The following GRM7 variants were observed in gnomAD, a reference collection of about 807,000 sequenced individuals.
The protein encoded by GRM7 is glutamate metabotropic receptor 7.
In GRM7, 35 loss-of-function variants were observed where a neutral mutation model predicts 84.5. That is an observed-to-expected ratio of 0.41 (90% CI 0.32 to 0.55). The LOEUF (loss-of-function observed/expected upper bound fraction) is 0.55. Ranked by LOEUF, GRM7 falls within the 20% of genes least tolerant of loss-of-function variation. The probability of loss-of-function intolerance (pLI) is 0.19; values close to 1 mark genes in which losing one functional copy is unlikely to be tolerated. For synonymous variants in GRM7, 487 were observed against 455.1 expected (o/e 1.07, Z -0.89); for missense variants, 1,003 against 1,194.6 (o/e 0.84, Z 2.36).
chr3:7,228,691 TG>T (rs1470338839), intron 2 of GRM7, among the ~76,000 whole-genome samples: 1 of 152,234 alleles, frequency 6.6e-6, no homozygotes, highest in African/African-American at 2.4e-5. Context: ...CTATGAGATT[TG>T]GTAGAGATTT....
chr3:7,595,372 G>T (rs751064918), intron 8 of GRM7, among the ~76,000 whole-genome samples: 6 of 152,072 alleles, frequency 3.9e-5, no homozygotes, highest in Non-Finnish European at 8.8e-5. Flanking sequence ...AAACATAATT[G>T]GTTAAACTCC....
At chr3:7,470,734 C>A (rs533720740) in intron 7 of GRM7, among the ~76,000 whole-genome samples, 2 of 152,134 alleles carry the variant, frequency 1.3e-5, no homozygotes, top group African/African-American at 4.8e-5. Context: ...AAAAGAAATA[C>A]AACAAGATAA....
chr3:7,424,512 G>GC (rs1696524761), intron 5 of GRM7, among the ~76,000 whole-genome samples: 1 of 152,092 alleles, frequency 6.6e-6, no homozygotes, highest in South Asian at 2.1e-4. Context: ...GGTAAGTAAT[G>GC]CCCTGTTTTT....
intron 4 of GRM7, among the ~76,000 whole-genome samples, chr3:7,364,344 C>T (rs540370230): frequency 6.6e-5 from 10 of 151,646 alleles, no homozygotes; most frequent in African/African-American, 2.4e-4. Flanking sequence ...TGGTTTGAGG[C>T]ATTTATAAAT....
intron 1 of GRM7, among the ~76,000 whole-genome samples, chr3:7,044,362 T>A (rs896570338): frequency 1.3e-5 from 2 of 152,208 alleles, no homozygotes; most frequent in African/African-American, 2.4e-5. Context: ...AAATATGGAT[T>A]GAAGGAAAAT....
At chr3:7,223,157 GCATCAGCATT>G (rs1303323443) in intron 2 of GRM7, among the ~76,000 whole-genome samples, 1 of 151,818 alleles carries the variant, frequency 6.6e-6, no homozygotes, top group Non-Finnish European at 1.5e-5. Context: ...TAAGATCTTT[GCATCAGCATT>G]CAGAAAATTT....
chr3:7,060,634 G>A (rs1177162624), intron 1 of GRM7, among the ~76,000 whole-genome samples: 1 of 151,674 alleles, frequency 6.6e-6, no homozygotes, highest in Admixed American at 6.6e-5. Context: ...AGCCACTCAA[G>A]TTTGGTCATT....
At chr3:7,560,117 A>G (rs893397528) in intron 7 of GRM7, among the ~76,000 whole-genome samples, 5 of 152,072 alleles carry the variant, frequency 3.3e-5, no homozygotes, top group Non-Finnish European at 7.4e-5. Context: ...ACCCTTAATT[A>G]CAGAGTTTCA....
chr3:7,480,351 T>C (rs1316150563), intron 7 of GRM7, among the ~76,000 whole-genome samples: 1 of 152,104 alleles, frequency 6.6e-6, no homozygotes, highest in African/African-American at 2.4e-5. Context: ...GGGAGTGATA[T>C]ATAGAAAAAG....
At chr3:7,504,908 A>AT (rs1268727868) in intron 7 of GRM7, among the ~76,000 whole-genome samples, 2 of 152,182 alleles carry the variant, frequency 1.3e-5, no homozygotes. Flanking sequence ...ATCAACTCAA[A>AT]GTCCAAAGTC....
At chr3:6,915,768 A>C (rs1575009699) in intron 1 of GRM7, among the ~76,000 whole-genome samples, 1 of 152,328 alleles carries the variant, frequency 6.6e-6, no homozygotes, top group East Asian at 1.9e-4. Flanking sequence ...ATCACAACTA[A>C]TGGGCTTGAT....
At chr3:7,028,477 TC>T (rs1696059556) in intron 1 of GRM7, among the ~76,000 whole-genome samples, 1 of 152,266 alleles carries the variant, frequency 6.6e-6, no homozygotes, top group Admixed American at 6.5e-5. Context: ...TAACCTTGGC[TC>T]AAAAACAGGA....
intron 5 of GRM7, among the ~76,000 whole-genome samples, chr3:7,420,596 T>C (rs1156389363): frequency 6.6e-6 from 1 of 152,148 alleles, no homozygotes; most frequent in Non-Finnish European, 1.5e-5. Context: ...AATTTTTGGT[T>C]CTCTGACTCA....
At chr3:7,466,162 T>C (rs1246549919) in intron 7 of GRM7, among the ~76,000 whole-genome samples, 1 of 152,138 alleles carries the variant, frequency 6.6e-6, no homozygotes, top group African/African-American at 2.4e-5. Flanking sequence ...ACAAACATGA[T>C]TGTCTATGTG....
At chr3:7,263,385 G>A (rs1050320903) in intron 2 of GRM7, among the ~76,000 whole-genome samples, 7 of 152,346 alleles carry the variant, frequency 4.6e-5, no homozygotes, top group African/African-American at 1.7e-4. Context: ...AGTAGCAGTG[G>A]GATATGTTAT....
intron 7 of GRM7, among the ~76,000 whole-genome samples, chr3:7,564,318 C>A (rs1214061467): frequency 6.6e-6 from 1 of 152,120 alleles, no homozygotes; most frequent in Non-Finnish European, 1.5e-5. Context: ...TTATTACTGT[C>A]TCCATTTCAC....
intron 4 of GRM7, among the ~76,000 whole-genome samples, chr3:7,351,350 A>AAAC (rs1559258145): frequency 1.3e-5 from 2 of 150,962 alleles, no homozygotes; most frequent in African/African-American, 2.4e-5. Flanking sequence ...AAAAAAAAAA[A>AAAC]AAAAAAAAAA....
intron 1 of GRM7, among the ~76,000 whole-genome samples, chr3:7,120,472 C>G (rs1693180655): frequency 6.6e-6 from 1 of 152,052 alleles, no homozygotes; most frequent in Non-Finnish European, 1.5e-5. Context: ...AAATGATAAT[C>G]CCCTTAGGTA....
At chr3:7,195,364 C>T (rs1461390559) in intron 2 of GRM7, among the ~76,000 whole-genome samples, 3 of 152,034 alleles carry the variant, frequency 2.0e-5, no homozygotes, top group Admixed American at 2.0e-4. Flanking sequence ...TGCAATAGAA[C>T]CCCTTATCAG....
Sources: allele counts gnomAD v4.1 joint callset (sites outside exome capture counted in the v4.1 genomes callset), GRCh38; gene constraint gnomAD v4.1.1; transcripts MANE v1.5; gene names NCBI Gene and HGNC (gene_info 2026-07-23, HGNC 2026-07-21).